CCSER1: variants seen among roughly 807,000 people sequenced by gnomAD.
The protein encoded by CCSER1 is coiled-coil serine rich protein 1, also known as serine-rich coiled-coil domain-containing protein 1.
CCSER1 carries 41 observed loss-of-function variants against 82.0 expected under a neutral mutation model. The ratio of observed to expected loss-of-function variants is 0.50; its 90% CI spans 0.39 to 0.65. CCSER1 has a LOEUF of 0.65. CCSER1 is among the 30% of genes least tolerant of loss of function. The pLI is 0.00. For missense variants in CCSER1, 1,119 were observed against 1,064.2 expected (o/e 1.05, Z -0.72); for synonymous variants, 414 against 383.9 (o/e 1.08, Z -0.92).
intron 1 of CCSER1, among the ~76,000 whole-genome samples, chr4:90,298,332 TG>T (rs1279510229): frequency 6.6e-6 from 1 of 152,176 alleles, no homozygotes; most frequent in East Asian, 1.9e-4. Flanking sequence ...GTGGGATCGG[TG>T]GTGATATCCC....
At chr4:90,559,834 A>AAAAC (rs1778544249) in intron 5 of CCSER1, among the ~76,000 whole-genome samples, 1 of 149,786 alleles carries the variant, frequency 6.7e-6, no homozygotes, top group African/African-American at 2.4e-5. Flanking sequence ...AAAAAAAAAA[A>AAAAC]ATAGCCGGGC....
chr4:90,970,116 GA>G (rs1434430034), intron 9 of CCSER1, among the ~76,000 whole-genome samples: 2 of 151,648 alleles, frequency 1.3e-5, no homozygotes, highest in African/African-American at 4.8e-5. Context: ...TATAATTATT[GA>G]AAATATAAAT....
At chr4:91,111,103 A>G (rs969191648) in intron 10 of CCSER1, among the ~76,000 whole-genome samples, 6 of 151,984 alleles carry the variant, frequency 3.9e-5, no homozygotes, top group African/African-American at 1.4e-4. Context: ...TTTTAATTTG[A>G]CAAGTTTCAT....
intron 10 of CCSER1, among the ~76,000 whole-genome samples, chr4:91,123,190 C>T (rs1727235848): frequency 6.6e-6 from 1 of 151,678 alleles, no homozygotes; most frequent in East Asian, 1.9e-4. Flanking sequence ...AATTGATTTT[C>T]TTTCAAATAG....
chr4:91,269,734 C>G (rs1227726678), intron 10 of CCSER1, among the ~76,000 whole-genome samples: 1 of 152,136 alleles, frequency 6.6e-6, no homozygotes, highest in Admixed American at 6.6e-5. Context: ...TCTTGAACGA[C>G]TGCTTCTTAA....
At chr4:90,233,517 A>G (rs1224875307) in intron 1 of CCSER1, among the ~76,000 whole-genome samples, 1 of 152,092 alleles carries the variant, frequency 6.6e-6, no homozygotes, top group Non-Finnish European at 1.5e-5. Context: ...AGATATACCT[A>G]ACGCTAGATG....
chr4:91,401,280 A>C (rs1752299512), intron 10 of CCSER1, among the ~76,000 whole-genome samples: 1 of 148,944 alleles, frequency 6.7e-6, no homozygotes, highest in African/African-American at 2.4e-5. Context: ...ACTATGCTAC[A>C]TAGATATACT....
intron 1 of CCSER1, among the ~76,000 whole-genome samples, chr4:90,214,943 G>T (rs28711243): frequency 0.016 from 2,372 of 152,002 alleles, 32 homozygotes; most frequent in African/African-American, 0.04. Flanking sequence ...TTCAATTTGT[G>T]TTTGATTGTA....
chr4:91,154,926 C>G (rs1215521129), intron 10 of CCSER1, among the ~76,000 whole-genome samples: 2 of 151,810 alleles, frequency 1.3e-5, no homozygotes, highest in Non-Finnish European at 2.9e-5. Flanking sequence ...AGGATGCCAC[C>G]TTTCTAAAAT....
chr4:91,083,727 T>C (rs763496294), intron 9 of CCSER1, among the ~76,000 whole-genome samples: 13 of 152,150 alleles, frequency 8.5e-5, no homozygotes, highest in Middle Eastern at 3.4e-3. Flanking sequence ...AAAATTTCAC[T>C]GAATGGGATT....
intron 10 of CCSER1, among the ~76,000 whole-genome samples, chr4:91,461,786 G>A (rs1756516791): frequency 6.6e-6 from 1 of 152,126 alleles, no homozygotes; most frequent in Admixed American, 6.6e-5. Flanking sequence ...GTATCTCTCA[G>A]TAACTATTTT....
intron 6 of CCSER1, among the ~76,000 whole-genome samples, chr4:90,653,327 A>C (rs567430339): frequency 6.6e-6 from 1 of 152,162 alleles, no homozygotes; most frequent in African/African-American, 2.4e-5. Flanking sequence ...GCGCAGTGGT[A>C]TCATGTGTTA....
At chr4:91,558,593 TG>T (rs1388829767) in intron 10 of CCSER1, among the ~76,000 whole-genome samples, 10 of 151,572 alleles carry the variant, frequency 6.6e-5, no homozygotes, top group African/African-American at 9.7e-5. Context: ...GAGGTTTAAT[TG>T]GACTTACCGT....
intron 7 of CCSER1, among the ~76,000 whole-genome samples, chr4:90,753,801 A>G (rs1467894486): frequency 2.6e-5 from 4 of 152,228 alleles, no homozygotes; most frequent in African/African-American, 9.6e-5. Flanking sequence ...GTTCTACCCC[A>G]TGGCAGCTTT....
intron 9 of CCSER1, among the ~76,000 whole-genome samples, chr4:90,944,981 A>T (rs1259167612): frequency 1.3e-5 from 2 of 152,168 alleles, no homozygotes; most frequent in East Asian, 3.9e-4. Context: ...TTTATAGAAA[A>T]TGTTTATCTG....
At chr4:90,911,824 G>A (rs1454084303) in intron 8 of CCSER1, among the ~76,000 whole-genome samples, 3 of 152,202 alleles carry the variant, frequency 2.0e-5, no homozygotes, top group Non-Finnish European at 4.4e-5. Context: ...GGCACACCAG[G>A]AGATTATATT....
At chr4:90,938,151 C>A (rs1731179787) in intron 9 of CCSER1, among the ~76,000 whole-genome samples, 1 of 151,974 alleles carries the variant, frequency 6.6e-6, no homozygotes, top group South Asian at 2.1e-4. Context: ...CTTAAAATTG[C>A]AATAAAGTTT....
intron 1 of CCSER1, among the ~76,000 whole-genome samples, chr4:90,247,793 A>G (rs529475461): frequency 7.9e-5 from 12 of 152,056 alleles, no homozygotes; most frequent in South Asian, 2.1e-4. Flanking sequence ...TTTTATATAT[A>G]TTATATATGA....
intron 10 of CCSER1, among the ~76,000 whole-genome samples, chr4:91,212,686 A>G (rs757353781): frequency 6.6e-6 from 1 of 152,172 alleles, no homozygotes; most frequent in African/African-American, 2.4e-5. Flanking sequence ...AAATTAACCC[A>G]CAAAGAAACT....
Sources: allele counts gnomAD v4.1 joint callset (sites outside exome capture counted in the v4.1 genomes callset), GRCh38; gene constraint gnomAD v4.1.1; transcripts MANE v1.5; gene names NCBI Gene and HGNC (gene_info 2026-07-23, HGNC 2026-07-21).